Variants in SAMD4A observed in about 807,000 individuals in gnomAD.
SAMD4A encodes sterile alpha motif domain containing 4A, also known as protein Smaug homolog 1.
SAMD4A carries 33 observed loss-of-function variants against 81.3 expected under a neutral mutation model. The observed-to-expected ratio is 0.41, with a 90% CI of 0.31 to 0.54. The LOEUF is 0.54. Among genes scored for constraint, SAMD4A ranks in the 20% least tolerant of loss-of-function variants. The pLI is 0.37. For synonymous variants in SAMD4A, 389 were observed against 382.1 expected (o/e 1.02, Z -0.21); for missense variants, 854 against 951.1 (o/e 0.90, Z 1.34).
rs1261530717 is a variant in SAMD4A, at chr14:54,748,714, G to A, written c.980-101G>A. On this transcript the variant is annotated intron_variant, in intron 4 of 12. Coordinates refer to ENST00000554335, the MANE Select transcript of SAMD4A (RefSeq NM_015589.6). ...GTTACTTTTTCTTTTTTTTTCCTTT[G>A]ACCATCACCCTCTTTTCCTTTCTCT... The A allele has an allele frequency of 4.1e-6, 3 of 736,852 alleles. No homozygotes were observed. The African/African-American group carries it at 5.4e-5, about 13-fold the overall frequency. The allele number at this position is 736,852 out of a possible 1,614,324, so 45.6% of individuals were successfully genotyped here.
At position 54,572,653 on chromosome 14, in the gene SAMD4A, A is replaced by T. The variant is rs558502938; in HGVS notation, c.196+4541A>T. 8.5e-5 allele frequency among the ~76,000 whole-genome samples: 13 copies of T among 152,326 alleles called. 1 individual carries two copies. In the South Asian group the frequency reaches 2.7e-3, roughly 32 times the overall value. On this transcript the variant is annotated intron_variant, in intron 2 of 12. Transcript: ENST00000554335. ...CATAGGAGGGCATAAGTTGTAGAAG[A>T]TTTTTAGAGTACAGATTTTTAAATC...
chr14:54,626,928 A>G (rs1234507079), intron 2 of SAMD4A, among the ~76,000 whole-genome samples: 2 of 152,208 alleles, frequency 1.3e-5, no homozygotes, highest in Admixed American at 6.5e-5. Flanking sequence ...GTCCGTGATT[A>G]TTTGACTGGG....
rs34049256 is a variant in SAMD4A, at chr14:54,587,843, G to A, written c.196+19731G>A. Among the ~76,000 whole-genome samples, 473 of 152,188 alleles carry A rather than the reference G, an allele frequency of 3.1e-3. 1 individual carries two copies. Among genetic ancestry groups the A allele is most frequent in the Non-Finnish European group, 4.7e-3 (319 of 67,940 alleles). ...TGTTCATCAGGGATATTGGTCTGTA[G>A]TTTTCTTTTTTTGTTATGCCTTTCC... On this transcript the variant is annotated intron_variant, in intron 2 of 12. Transcript: ENST00000554335.
At chr14:54,654,130 A>G (rs1451291850) in intron 2 of SAMD4A, among the ~76,000 whole-genome samples, 1 of 152,212 alleles carries the variant, frequency 6.6e-6, no homozygotes, top group Non-Finnish European at 1.5e-5. Flanking sequence ...TGACGTATTC[A>G]TTCCTCAGAA....
intron 2 of SAMD4A, among the ~76,000 whole-genome samples, chr14:54,649,297 A>T (rs1333173368): frequency 6.6e-6 from 1 of 152,214 alleles, no homozygotes; most frequent in Admixed American, 6.5e-5. Context: ...AAGCTAAATG[A>T]CAAAAGTATT....
intron 2 of SAMD4A, among the ~76,000 whole-genome samples, chr14:54,571,654 T>A (rs899459642): frequency 3.3e-5 from 5 of 152,212 alleles, no homozygotes; most frequent in Admixed American, 2.6e-4. Context: ...ATACTTATAG[T>A]TAAATACAAG....
At chr14:54,698,592 C>T (rs774025993) in intron 2 of SAMD4A, among the ~76,000 whole-genome samples, 13 of 152,168 alleles carry the variant, frequency 8.5e-5, no homozygotes, top group Non-Finnish European at 1.9e-4. Flanking sequence ...CCTGGCACTT[C>T]GAAAACATTC....
At chr14:54,777,801 G>C (rs1028872764) in intron 11 of SAMD4A, among the ~76,000 whole-genome samples, 1 of 152,156 alleles carries the variant, frequency 6.6e-6, no homozygotes, top group African/African-American at 2.4e-5. Context: ...ATTGCTTCTT[G>C]ACTTCCAAAA....
intron 3 of SAMD4A, among the ~76,000 whole-genome samples, chr14:54,730,220 C>T (rs1351494583): frequency 6.6e-6 from 1 of 152,226 alleles, no homozygotes; most frequent in African/African-American, 2.4e-5. Flanking sequence ...AAAGCCTCCC[C>T]ATGTGCTTTT....
At chr14:54,626,075 CGA>C (rs1491126014) in intron 2 of SAMD4A, among the ~76,000 whole-genome samples, 1 of 138,952 alleles carries the variant, frequency 7.2e-6, no homozygotes, top group African/African-American at 3.0e-5. Flanking sequence ...CGCGCGCGCG[CGA>C]GTGCGCACAT....
At chr14:54,757,984 G>A (rs985036430) in intron 6 of SAMD4A, among the ~76,000 whole-genome samples, 1 of 152,226 alleles carries the variant, frequency 6.6e-6, no homozygotes, top group Non-Finnish European at 1.5e-5. Context: ...GTGTCTAGAT[G>A]CTGGGAAAGG....
In SAMD4A at chr14:54,790,142, G is replaced by A. The variant is rs1012019038; in HGVS notation, c.*1198G>A. On this transcript the variant is annotated 3_prime_UTR_variant, in exon 13 of 13. Coordinates refer to ENST00000554335, the MANE Select transcript of SAMD4A (RefSeq NM_015589.6). ...CAAAACCTTTACATTAGGGTTGCTT[G>A]TAGGAACTGGAGCCTGGAGGCTGCA... The A allele has an allele frequency of 1.3e-5, 2 of 152,200 alleles. No homozygotes were observed. The highest frequency in any genetic ancestry group is 2.4e-5 in the African/African-American group (1 of 41,436). 9.4% of individuals were successfully genotyped at this position (152,200 alleles called of 1,614,324 possible). A position where few individuals can be genotyped will look rare whatever the true frequency, so the allele number is the denominator to read the frequency against.
intron 2 of SAMD4A, among the ~76,000 whole-genome samples, chr14:54,647,002 C>G (rs997755351): frequency 1.3e-5 from 2 of 152,050 alleles, no homozygotes; most frequent in Non-Finnish European, 2.9e-5. Flanking sequence ...TGGAAATGTT[C>G]GAATTTATGT....
At chr14:54,623,204 G>A (rs1438151549) in intron 2 of SAMD4A, among the ~76,000 whole-genome samples, 1 of 152,096 alleles carries the variant, frequency 6.6e-6, no homozygotes, top group African/African-American at 2.4e-5. Flanking sequence ...CTGCTTTGTG[G>A]TCCCATGAGG....
In SAMD4A at chr14:54,792,337, G is replaced by C. The variant is rs564318723; in HGVS notation, c.*3393G>C. 2.6e-5 allele frequency: 4 copies of C among 152,314 alleles called. No homozygotes were observed. Among genetic ancestry groups the C allele is most frequent in the African/African-American group, 9.6e-5 (4 of 41,564 alleles). 9.4% of individuals were successfully genotyped at this position (152,314 alleles called of 1,614,324 possible). ...CCCCTCTCTCCCATTCGTTTGAAGA[G>C]ACACTGAGGGAAACAAGGGTTTCTT... On this transcript the variant is annotated 3_prime_UTR_variant, in exon 13 of 13. Transcript: ENST00000554335.
chr14:54,624,084 A>G (rs1594746924), intron 2 of SAMD4A, among the ~76,000 whole-genome samples: 1 of 151,772 alleles, frequency 6.6e-6, no homozygotes, highest in African/African-American at 2.4e-5. Context: ...CTAGCGATTC[A>G]CTTGTCTCAG....
At chr14:54,616,545 G>A (rs1307658311) in intron 2 of SAMD4A, among the ~76,000 whole-genome samples, 1 of 152,096 alleles carries the variant, frequency 6.6e-6, no homozygotes, top group Non-Finnish European at 1.5e-5. Context: ...CCTGGTTGAG[G>A]CCCCAAGCTG....
chr14:54,751,805 C>T (rs1300009233), intron 6 of SAMD4A, among the ~76,000 whole-genome samples: 1 of 152,190 alleles, frequency 6.6e-6, no homozygotes, highest in Non-Finnish European at 1.5e-5. Flanking sequence ...GTCAAATGCA[C>T]CCTTTTTGTA....
At chr14:54,763,011 C>T (rs186252277) in intron 7 of SAMD4A, among the ~76,000 whole-genome samples, 40 of 151,966 alleles carry the variant, frequency 2.6e-4, no homozygotes, top group African/African-American at 8.4e-4. Context: ...CCCGCCACCA[C>T]GCCTGGCTAA....
Sources: gnomAD v4.1 joint callset for allele counts (sites outside exome capture counted in the v4.1 genomes callset) on GRCh38, gnomAD v4.1.1 for gene constraint, MANE v1.5 for transcripts, NCBI Gene and HGNC (gene_info 2026-07-23, HGNC 2026-07-21) for gene names.